The following NR2F1-AS1 variants were observed in gnomAD, a reference collection of about 807,000 sequenced individuals.
NR2F1-AS1 encodes the protein NR2F1 regulatory antisense RNA 1, also known as NR2F1 antisense RNA 1.
intron 4 of NR2F1-AS1, among the ~76,000 whole-genome samples, chr5:93,415,215 C>T (rs1349253434): frequency 6.6e-6 from 1 of 152,168 alleles, no homozygotes; most frequent in Non-Finnish European, 1.5e-5. Flanking sequence ...CTATCTTGGA[C>T]AAATAACTTA....
At chr5:93,456,972 C>T (rs1468418002) in intron 4 of NR2F1-AS1, among the ~76,000 whole-genome samples, 1 of 152,208 alleles carries the variant, frequency 6.6e-6, no homozygotes, top group Non-Finnish European at 1.5e-5. Flanking sequence ...TTGCCTATTG[C>T]CGCCAGCATG....
rs1230100902 is a variant in NR2F1-AS1, at chr5:93,554,243, G to C, written n.536-380C>G. On this transcript the variant is annotated intron_variant and non_coding_transcript_variant, in intron 3 of 5. Coordinates refer to ENST00000660523, the Ensembl canonical transcript of NR2F1-AS1. ...CCTCATCACCAGTAGCAATAACTGA[G>C]GAAATTACAGAATATTGTTGTTAAT... 2.0e-5 allele frequency among the ~76,000 whole-genome samples: 3 copies of C among 152,018 alleles called. No homozygotes were observed. In the East Asian group the frequency reaches 5.8e-4, roughly 29 times the overall value.
upstream of NR2F1-AS1, among the ~76,000 whole-genome samples, chr5:93,582,952 G>T (rs1016407511): frequency 6.6e-6 from 1 of 152,054 alleles, no homozygotes; most frequent in Non-Finnish European, 1.5e-5. Flanking sequence ...GCTAAGCGGG[G>T]GGGGGAGAAA....
intron 4 of NR2F1-AS1, among the ~76,000 whole-genome samples, chr5:93,475,107 GA>G (rs1375969973): frequency 6.9e-6 from 1 of 145,964 alleles, no homozygotes; most frequent in Non-Finnish European, 1.5e-5. Flanking sequence ...CTGGGCAACA[GA>G]GCGAGACTCC....
At chr5:93,458,905 G>T (rs971827754) in intron 4 of NR2F1-AS1, among the ~76,000 whole-genome samples, 8 of 151,890 alleles carry the variant, frequency 5.3e-5, no homozygotes, top group African/African-American at 1.9e-4. Flanking sequence ...CCAGCTACTC[G>T]GGAGGCTGAG....
chr5:93,409,416 C>A (rs1468520061), intron 4 of NR2F1-AS1: 1 of 152,176 alleles, frequency 6.6e-6, no homozygotes, highest in Non-Finnish European at 1.5e-5. Context: ...AAGCTACCAA[C>A]CCCTAAGTAG....
At chr5:93,438,400 T>C (rs934161703) in intron 4 of NR2F1-AS1, among the ~76,000 whole-genome samples, 5 of 152,190 alleles carry the variant, frequency 3.3e-5, no homozygotes, top group African/African-American at 1.2e-4. Context: ...AACCTGACCA[T>C]CAATCTTGAC....
At chr5:93,545,023 G>A (rs1403908917) in intron 4 of NR2F1-AS1, 2 of 151,966 alleles carry the variant, frequency 1.3e-5, no homozygotes, top group Admixed American at 6.6e-5. Context: ...TTGCACCTAT[G>A]GGGGGCTTTT....
chr5:93,576,835 C>G (rs574616337), intron 1 of NR2F1-AS1, among the ~76,000 whole-genome samples: 3 of 152,340 alleles, frequency 2.0e-5, no homozygotes, highest in African/African-American at 7.2e-5. Context: ...GGTACTCCAA[C>G]AACCTTCAGA....
At chr5:93,569,414 C>T (rs1190571558) in intron 1 of NR2F1-AS1, among the ~76,000 whole-genome samples, 1 of 152,218 alleles carries the variant, frequency 6.6e-6, no homozygotes, top group African/African-American at 2.4e-5. Flanking sequence ...CACTGCTGCA[C>T]TACCCTGCTC....
intron 4 of NR2F1-AS1, among the ~76,000 whole-genome samples, chr5:93,467,818 C>T (rs1233920138): frequency 6.6e-6 from 1 of 152,144 alleles, no homozygotes; most frequent in Non-Finnish European, 1.5e-5. Flanking sequence ...TAATGCTATG[C>T]CCTGACAGGC....
chr5:93,411,582 C>T (rs1056636628), intron 4 of NR2F1-AS1: 10 of 152,162 alleles, frequency 6.6e-5, no homozygotes, highest in Admixed American at 3.9e-4. Context: ...CAAAGGTTAG[C>T]TTTTACTGAT....
At chr5:93,581,662 GTCTCGGTCTCTCTC>G (rs1561518851), upstream of NR2F1-AS1, among the ~76,000 whole-genome samples, 1 of 91,846 alleles carries the variant, frequency 1.1e-5, no homozygotes, top group Non-Finnish European at 2.2e-5. Flanking sequence ...AGGAATCGGG[GTCTCGGTCTCTCTC>G]TCTCTCTCTC....
intron 4 of NR2F1-AS1, among the ~76,000 whole-genome samples, chr5:93,523,315 C>T (rs1751543052): frequency 6.6e-6 from 1 of 152,202 alleles, no homozygotes; most frequent in African/African-American, 2.4e-5. Flanking sequence ...CCTCTCTGGG[C>T]AGGGCATCTC....
chr5:93,575,893 G>A (rs1210801691), intron 1 of NR2F1-AS1, among the ~76,000 whole-genome samples: 1 of 152,172 alleles, frequency 6.6e-6, no homozygotes, highest in Non-Finnish European at 1.5e-5. Context: ...CGCCCCCCAT[G>A]TATGGGAAAT....
intron 4 of NR2F1-AS1, among the ~76,000 whole-genome samples, chr5:93,456,185 T>C (rs1382976845): frequency 6.6e-6 from 1 of 152,152 alleles, no homozygotes; most frequent in African/African-American, 2.4e-5. Context: ...GTAAGGAATC[T>C]ACAAAAAAGT....
intron 4 of NR2F1-AS1, among the ~76,000 whole-genome samples, chr5:93,461,308 C>A (rs925729950): frequency 1.3e-5 from 2 of 152,008 alleles, no homozygotes; most frequent in African/African-American, 4.8e-5. Context: ...TTGACAGGAA[C>A]AACACATACT....
At chr5:93,432,741 T>C (rs1325906094) in intron 4 of NR2F1-AS1, among the ~76,000 whole-genome samples, 1 of 152,224 alleles carries the variant, frequency 6.6e-6, no homozygotes, top group Non-Finnish European at 1.5e-5. Context: ...CCTACAATTA[T>C]AGCTTCTTTT....
intron 2 of NR2F1-AS1, among the ~76,000 whole-genome samples, chr5:93,555,426 C>T (rs1026086755): frequency 1.3e-5 from 2 of 152,114 alleles, no homozygotes; most frequent in African/African-American, 4.8e-5. Context: ...CAAAAGGGCA[C>T]ATAATATTCT....
Sources: gnomAD v4.1 joint callset for allele counts (sites outside exome capture counted in the v4.1 genomes callset) on GRCh38, gnomAD v4.1.1 for gene constraint, MANE v1.5 for transcripts, NCBI Gene and HGNC (gene_info 2026-07-23, HGNC 2026-07-21) for gene names.